SETBP1: variants seen among roughly 807,000 people sequenced by gnomAD.
SETBP1 encodes the protein SET-binding protein.
In SETBP1, 9 loss-of-function variants were observed where a neutral mutation model predicts 101.0. The ratio of observed to expected loss-of-function variants is 0.09; its 90% CI spans 0.05 to 0.16. SETBP1 has a LOEUF of 0.16. Among genes scored for constraint, SETBP1 ranks in the 10% least tolerant of loss-of-function variants. The probability of loss-of-function intolerance (pLI) is 1.00; values close to 1 mark genes in which losing one functional copy is unlikely to be tolerated. For missense variants in SETBP1, 1,858 were observed against 2,033.8 expected, an observed-to-expected ratio of 0.91 and a Z score of 1.66; for synonymous variants, 818 against 788.5, an observed-to-expected ratio of 1.04 and a Z score of -0.63.
intron 3 of SETBP1, among the ~76,000 whole-genome samples, chr18:44,895,343 G>C (rs1333589102): frequency 7.3e-6 from 1 of 136,380 alleles, no homozygotes; most frequent in Non-Finnish European, 1.6e-5. Flanking sequence ...GGAAGGGTGG[G>C]TTTGAAAAAC....
chr18:44,723,436 A>T (rs2069642046), intron 2 of SETBP1, among the ~76,000 whole-genome samples: 1 of 152,240 alleles, frequency 6.6e-6, no homozygotes, highest in Admixed American at 6.5e-5. Context: ...AGATGAGGAC[A>T]TAGAGCCCAG....
chr18:44,881,831 T>G (rs1434162927), intron 3 of SETBP1, among the ~76,000 whole-genome samples: 1 of 152,150 alleles, frequency 6.6e-6, no homozygotes, highest in Non-Finnish European at 1.5e-5. Flanking sequence ...CTGGGTTTGG[T>G]GGTTCTAGTA....
intron 4 of SETBP1, among the ~76,000 whole-genome samples, chr18:44,968,815 A>G (rs1168387112): frequency 6.6e-6 from 1 of 152,250 alleles, no homozygotes; most frequent in Admixed American, 6.5e-5. Flanking sequence ...ACCAGCAACC[A>G]AAACCTGTTT....
intron 4 of SETBP1, among the ~76,000 whole-genome samples, chr18:44,975,485 A>G (rs966034500): frequency 2.6e-5 from 4 of 152,192 alleles, no homozygotes; most frequent in African/African-American, 9.7e-5. Flanking sequence ...ATACTCAGTG[A>G]ACTCAATGTA....
At chr18:44,695,736 G>A (rs1417340006) in intron 1 of SETBP1, among the ~76,000 whole-genome samples, 1 of 152,194 alleles carries the variant, frequency 6.6e-6, no homozygotes, top group Non-Finnish European at 1.5e-5. Context: ...GACCTGAGAG[G>A]TGCACGTGTT....
intron 1 of SETBP1, among the ~76,000 whole-genome samples, chr18:44,698,572 C>T (rs897342448): frequency 3.3e-5 from 5 of 152,184 alleles, no homozygotes; most frequent in Non-Finnish European, 7.4e-5. Flanking sequence ...GCTACGTCTT[C>T]CTTCTTCCTG....
At chr18:44,990,341 C>T (rs1441332307) in intron 4 of SETBP1, among the ~76,000 whole-genome samples, 2 of 152,082 alleles carry the variant, frequency 1.3e-5, no homozygotes, top group Non-Finnish European at 2.9e-5. Flanking sequence ...TGCCTGAAAT[C>T]CCAGCACTTT....
At chr18:44,896,569 T>C (rs1434223834) in intron 3 of SETBP1, among the ~76,000 whole-genome samples, 1 of 152,142 alleles carries the variant, frequency 6.6e-6, no homozygotes, top group Non-Finnish European at 1.5e-5. Flanking sequence ...CTCGGCTCAC[T>C]ACAACCTCTG....
intron 4 of SETBP1, among the ~76,000 whole-genome samples, chr18:44,954,380 A>T (rs1288879774): frequency 1.3e-5 from 2 of 150,662 alleles, no homozygotes; most frequent in Non-Finnish European, 2.9e-5. Context: ...CCCTGTTCCC[A>T]AATAGTATAA....
At chr18:44,747,136 T>C (rs1433468267) in intron 2 of SETBP1, among the ~76,000 whole-genome samples, 7 of 152,196 alleles carry the variant, frequency 4.6e-5, no homozygotes, top group Admixed American at 3.9e-4. Flanking sequence ...ATCAATCATA[T>C]CTACTCTGAG....
At chr18:44,978,285 C>A (rs1273430121) in intron 4 of SETBP1, among the ~76,000 whole-genome samples, 1 of 152,172 alleles carries the variant, frequency 6.6e-6, no homozygotes, top group Non-Finnish European at 1.5e-5. Flanking sequence ...TTATTTCCTG[C>A]CATTTTCTTT....
At chr18:44,945,329 A>G (rs952944724) in intron 3 of SETBP1, among the ~76,000 whole-genome samples, 1 of 152,214 alleles carries the variant, frequency 6.6e-6, no homozygotes, top group African/African-American at 2.4e-5. Context: ...TTAAATGTAT[A>G]TTATTTAGTT....
chr18:44,906,297 T>C (rs2070173840), intron 3 of SETBP1, among the ~76,000 whole-genome samples: 1 of 152,198 alleles, frequency 6.6e-6, no homozygotes, highest in Non-Finnish European at 1.5e-5. Flanking sequence ...AACTAGGGGC[T>C]ATCCTTTTTC....
chr18:44,894,252 A>G (rs1317432008), intron 3 of SETBP1, among the ~76,000 whole-genome samples: 1 of 152,176 alleles, frequency 6.6e-6, no homozygotes, highest in Non-Finnish European at 1.5e-5. Context: ...TTTCTGAGTG[A>G]ATCTTGGCAA....
chr18:44,778,881 G>A (rs1053303539), intron 2 of SETBP1, among the ~76,000 whole-genome samples: 21 of 152,286 alleles, frequency 1.4e-4, no homozygotes, highest in Admixed American at 1.3e-4. Flanking sequence ...CAGCCCCAGA[G>A]CATTTAATCC....
chr18:44,696,661 A>C (rs568735041), intron 1 of SETBP1, among the ~76,000 whole-genome samples: 3 of 152,332 alleles, frequency 2.0e-5, no homozygotes, highest in African/African-American at 7.2e-5. Flanking sequence ...GAGTGTACCC[A>C]TAGGTCTATG....
intron 3 of SETBP1, among the ~76,000 whole-genome samples, chr18:44,894,895 T>C: frequency 6.7e-6 from 1 of 149,228 alleles, no homozygotes; most frequent in Non-Finnish European, 1.5e-5. Flanking sequence ...GGAGGATTGC[T>C]CAAGGCCAGG....
chr18:45,013,296 C>T (rs746104146), intron 4 of SETBP1, among the ~76,000 whole-genome samples: 2 of 152,178 alleles, frequency 1.3e-5, no homozygotes, highest in Admixed American at 1.3e-4. Flanking sequence ...TAGGAAAATC[C>T]GGTTGCCTCA....
intron 4 of SETBP1, among the ~76,000 whole-genome samples, chr18:45,003,690 A>G (rs2072664694): frequency 6.8e-6 from 1 of 146,778 alleles, no homozygotes; most frequent in Admixed American, 7.1e-5. Context: ...GTCATGGGAA[A>G]AAAAAAAAAA....
Sources: gnomAD v4.1 joint callset for allele counts (sites outside exome capture counted in the v4.1 genomes callset) on GRCh38, gnomAD v4.1.1 for gene constraint, MANE v1.5 for transcripts, NCBI Gene and HGNC (gene_info 2026-07-23, HGNC 2026-07-21) for gene names.